UTRN: variants seen among roughly 807,000 people sequenced by gnomAD.
UTRN encodes the protein utrophin.
UTRN carries 283 observed loss-of-function variants against 463.9 expected under a neutral mutation model. The ratio of observed to expected loss-of-function variants is 0.61; its 90% confidence interval spans 0.55 to 0.67. UTRN has a LOEUF of 0.67. Among genes scored for constraint, UTRN ranks in the 30% least tolerant of loss-of-function variants. The pLI, the probability that UTRN is intolerant of heterozygous loss-of-function variation, is 0.00. For synonymous variants in UTRN, 1,442 were observed against 1,431.5 expected (o/e 1.01, Z -0.17); for missense variants, 3,922 against 4,084.3 (o/e 0.96, Z 1.08).
intron 51 of UTRN, among the ~76,000 whole-genome samples, chr6:144,612,304 A>G (rs1423337485): frequency 6.6e-6 from 1 of 152,120 alleles, no homozygotes; most frequent in African/African-American, 2.4e-5. Context: ...GTTTCCTGAC[A>G]TTGGTTAAGG....
intron 2 of UTRN, among the ~76,000 whole-genome samples, chr6:144,365,310 A>G (rs1003694549): frequency 6.6e-5 from 10 of 152,162 alleles, no homozygotes; most frequent in African/African-American, 2.4e-4. Context: ...TGTGTGTGTT[A>G]TGATGCATAT....
At chr6:144,456,695 T>A (rs997187673) in intron 19 of UTRN, among the ~76,000 whole-genome samples, 8 of 146,380 alleles carry the variant, frequency 5.5e-5, no homozygotes, top group Admixed American at 2.1e-4. Context: ...ATAATAATAA[T>A]AAATAAAATA....
chr6:144,847,328 C>G (rs1014344391), intron 74 of UTRN, among the ~76,000 whole-genome samples: 3 of 152,104 alleles, frequency 2.0e-5, no homozygotes, highest in Admixed American at 2.0e-4. Flanking sequence ...GTTTACTTTG[C>G]CAAGGTTGAG....
intron 51 of UTRN, among the ~76,000 whole-genome samples, chr6:144,598,623 T>C (rs375863100): frequency 6.6e-6 from 1 of 152,348 alleles, no homozygotes; most frequent in African/African-American, 2.4e-5. Flanking sequence ...TTTCAAAATA[T>C]GTCAAAGAAA....
In UTRN at chr6:144,438,726, C is replaced by T. The variant is rs1344003637; in HGVS notation, c.1242-19C>T. The T allele has an allele frequency of 6.2e-7, 1 of 1,613,908 alleles. No individual in the cohort carries two copies. ...AGGGAAAAGGCTTGTAGGAATAATG[C>T]TGTGTTCCCCACGGACAGGCTGCAC... On this transcript the variant is annotated intron_variant, in intron 11 of 74. Coordinates refer to ENST00000367545, the MANE Select transcript of UTRN (RefSeq NM_007124.3).
chr6:144,564,364 G>C (rs1390080732), intron 50 of UTRN, among the ~76,000 whole-genome samples: 2 of 152,112 alleles, frequency 1.3e-5, no homozygotes, highest in Non-Finnish European at 2.9e-5. Context: ...AAATATAAAA[G>C]TCATGAGGCA....
At chr6:144,408,905 T>G (rs1783645625) in intron 3 of UTRN, among the ~76,000 whole-genome samples, 1 of 152,228 alleles carries the variant, frequency 6.6e-6, no homozygotes, top group Non-Finnish European at 1.5e-5. Flanking sequence ...GCTGACAGGC[T>G]TCCTGTGTGA....
At chr6:144,344,301 C>A in intron 2 of UTRN, 1 of 1,304,010 alleles carries the variant, frequency 7.7e-7, no homozygotes, top group South Asian at 1.2e-5. Context: ...CAAGCGATTA[C>A]CAGGTAAGTT....
At chr6:144,553,494 A>G (rs938205813) in intron 48 of UTRN, among the ~76,000 whole-genome samples, 13 of 152,202 alleles carry the variant, frequency 8.5e-5, no homozygotes, top group Non-Finnish European at 1.8e-4. Flanking sequence ...TATCCAAAGC[A>G]TCTTTCAGCA....
At chr6:144,750,356 TCTC>T (rs1271275901) in intron 55 of UTRN, among the ~76,000 whole-genome samples, 1 of 152,142 alleles carries the variant, frequency 6.6e-6, no homozygotes, top group African/African-American at 2.4e-5. Flanking sequence ...CAACTCTTCT[TCTC>T]CTTCCATACT....
In UTRN at chr6:144,794,599, C is replaced by G. The variant is rs1470529705; in HGVS notation, c.9078+608C>G. Among the ~76,000 whole-genome samples the G allele has an allele frequency of 3.9e-5, 6 of 152,172 alleles. No individual in the cohort carries two copies. The South Asian group carries it at 6.2e-4, about 16-fold the overall frequency. On this transcript the variant is annotated intron_variant, in intron 63 of 74. Transcript: ENST00000367545. ...TCATGGCTTAGTGTTTGTTTCTTCTCTAGGAACCTAAGCTCCATGAAGACA... is the reference window on the plus strand; with the variant it reads ...TCATGGCTTAGTGTTTGTTTCTTCTGTAGGAACCTAAGCTCCATGAAGACA...
At chr6:144,334,924 A>C (rs1384637183) in intron 2 of UTRN, among the ~76,000 whole-genome samples, 1 of 152,230 alleles carries the variant, frequency 6.6e-6, no homozygotes, top group Non-Finnish European at 1.5e-5. Context: ...AACTTTTAAG[A>C]ATTTTGAAGG....
intron 2 of UTRN, among the ~76,000 whole-genome samples, chr6:144,361,756 TTTTC>T (rs766647078): frequency 3.5e-4 from 51 of 147,160 alleles, no homozygotes; most frequent in African/African-American, 1.1e-3. Context: ...ACCTGGCTAA[TTTTC>T]TTTCTTTCTT....
At chr6:144,820,393 A>G (rs890286873) in intron 65 of UTRN, among the ~76,000 whole-genome samples, 1 of 152,150 alleles carries the variant, frequency 6.6e-6, no homozygotes, top group Non-Finnish European at 1.5e-5. Flanking sequence ...TTATTGTCTT[A>G]CCTTTTTCCC....
At chr6:144,724,282 G>A (rs1787587415) in intron 53 of UTRN, among the ~76,000 whole-genome samples, 1 of 133,568 alleles carries the variant, frequency 7.5e-6, no homozygotes, top group Non-Finnish European at 1.5e-5. Context: ...AGCCTGGAGT[G>A]CAGTGGCGCA....
Position 144,828,773 on chromosome 6 carries a change from T to G in UTRN, c.9600-17T>G. On this transcript the variant is annotated splice_polypyrimidine_tract_variant and intron_variant, in intron 68 of 74. Coordinates refer to ENST00000367545, the MANE Select transcript of UTRN (RefSeq NM_007124.3). ...TATATGGCCATGTTGTCTAACCTCC[T>G]TATTTTTATTTTGCAGACTGGCCCA... 2 of 1,613,146 alleles carry G rather than the reference T, an allele frequency of 1.2e-6. No individual in the cohort carries two copies. The highest frequency in any genetic ancestry group is 1.7e-6 in the Non-Finnish European group (2 of 1,179,344).
rs12214648 is a variant in UTRN at position 144,493,714 on chromosome 6, A to C, written c.4593+258A>C. Among the ~76,000 whole-genome samples the C allele has an allele frequency of 0.23, 34,504 of 152,192 alleles. 4,027 individuals are homozygous for C. The highest frequency in any genetic ancestry group is 0.33 in the Middle Eastern group (98 of 294). On this transcript the variant is annotated intron_variant, in intron 33 of 74. Transcript: ENST00000367545. ...GCTAGGCACAGTGGCTCACGCCTGT[A>C]ATCCCAGGTCTTTGGGAGGCTGAGT...
chr6:144,568,313 T>G (rs1009871142), intron 50 of UTRN, among the ~76,000 whole-genome samples: 1 of 152,220 alleles, frequency 6.6e-6, no homozygotes, highest in Admixed American at 6.5e-5. Context: ...GTTTTTAGTC[T>G]GTGTTCTTTG....
At chr6:144,575,412 G>A (rs902926603) in intron 50 of UTRN, among the ~76,000 whole-genome samples, 2 of 152,036 alleles carry the variant, frequency 1.3e-5, no homozygotes, top group East Asian at 1.9e-4. Context: ...ATGAATGGAT[G>A]GACAGAGAGA....
Sources: allele counts gnomAD v4.1 joint callset (sites outside exome capture counted in the v4.1 genomes callset), GRCh38; gene constraint gnomAD v4.1.1; transcripts MANE v1.5; gene names NCBI Gene and HGNC (gene_info 2026-07-23, HGNC 2026-07-21).